The following GALNT7 variants were observed in gnomAD, a reference collection of about 807,000 sequenced individuals.
GALNT7 encodes polypeptide N-acetylgalactosaminyltransferase 7, also known as N-acetylgalactosaminyltransferase 7.
In GALNT7, 60 loss-of-function variants were observed where a neutral mutation model predicts 82.1. The ratio of observed to expected loss-of-function variants is 0.73; its 90% confidence interval spans 0.59 to 0.91. The LOEUF is 0.91. Among genes scored for constraint, GALNT7 ranks in the 40% least tolerant of loss-of-function variants. GALNT7 has a pLI of 0.00. For missense variants in GALNT7, 660 were observed against 804.2 expected (o/e 0.82, Z 2.17); for synonymous variants, 243 against 275.1 (o/e 0.88, Z 1.15).
At chr4:173,317,373 C>CT (rs1044042679) in intron 9 of GALNT7, 219 of 275,364 alleles carry the variant, frequency 8.0e-4, no homozygotes, top group Middle Eastern at 2.3e-3. Flanking sequence ...TTAATGGTAA[C>CT]TTTTTTTTTC....
intron 1 of GALNT7, among the ~76,000 whole-genome samples, chr4:173,230,551 A>G (rs1349445657): frequency 6.6e-6 from 1 of 152,228 alleles, no homozygotes; most frequent in Non-Finnish European, 1.5e-5. Flanking sequence ...TAATATGAGT[A>G]TAATCTGTTT....
chr4:173,275,930 C>A (rs548903591), intron 2 of GALNT7, among the ~76,000 whole-genome samples: 2 of 152,112 alleles, frequency 1.3e-5, no homozygotes, highest in Admixed American at 1.3e-4. Context: ...GCGCTACCTT[C>A]AAAAATGGGT....
intron 1 of GALNT7, among the ~76,000 whole-genome samples, chr4:173,233,935 T>C (rs1484601791): frequency 6.6e-6 from 1 of 152,206 alleles, no homozygotes; most frequent in East Asian, 1.9e-4. Context: ...CAAAAAATGT[T>C]GTCTATTCTT....
chr4:173,188,396 G>T (rs1732520531), intron 1 of GALNT7, among the ~76,000 whole-genome samples: 1 of 152,060 alleles, frequency 6.6e-6, no homozygotes, highest in Non-Finnish European at 1.5e-5. Flanking sequence ...TTTAAACAGG[G>T]GTTTTGGGCC....
At position 173,302,182 on chromosome 4, in the gene GALNT7, C is replaced by T; in HGVS notation, c.1266+18C>T. The T allele has an allele frequency of 9.6e-7, 1 of 1,044,554 alleles. No individual in the cohort carries two copies. Among genetic ancestry groups the T allele is most frequent in the Non-Finnish European group, 1.5e-6 (1 of 661,116 alleles). The allele number at this position is 1,044,554 out of a possible 1,614,324, so 64.7% of individuals were successfully genotyped here. ...CATACAAGGTAACATTTTATTTCAA[C>T]AGATGGAATTCTCCAAGTCGTTACT... On this transcript the variant is annotated intron_variant, in intron 7 of 11. Coordinates refer to ENST00000265000, the MANE Select transcript of GALNT7 (RefSeq NM_017423.3). This position sits in a 1 kb window ranked among gnomAD's most constrained non-coding sequence, Gnocchi z 4.2.
At chr4:173,272,524 G>C (rs1735765614) in intron 2 of GALNT7, among the ~76,000 whole-genome samples, 1 of 152,134 alleles carries the variant, frequency 6.6e-6, no homozygotes, top group African/African-American at 2.4e-5. Flanking sequence ...TAAACTATTT[G>C]ATAACTAACT....
Position 173,304,134 on chromosome 4 carries a change from A to T in GALNT7, c.1389+16A>T, listed in dbSNP as rs573676611. ...AACTCTGAAGGTGAGTTTTTTGGAT[A>T]AAAGGGGAGGACAGGGAACTAACAT... On this transcript the variant is annotated intron_variant, in intron 8 of 11. Transcript: ENST00000265000. The T allele has an allele frequency of 3.7e-6, 6 of 1,609,654 alleles. No homozygotes were observed. In the East Asian group the frequency reaches 1.3e-4, roughly 36 times the overall value.
At chr4:173,207,492 T>C (rs1415104892) in intron 1 of GALNT7, among the ~76,000 whole-genome samples, 3 of 152,214 alleles carry the variant, frequency 2.0e-5, no homozygotes, top group African/African-American at 7.2e-5. Context: ...CCATCTTTCA[T>C]ACCATTAAAT....
intron 1 of GALNT7, among the ~76,000 whole-genome samples, chr4:173,172,739 TC>T (rs1579873986): frequency 6.6e-6 from 1 of 152,094 alleles, no homozygotes; most frequent in Admixed American, 6.5e-5. Context: ...TGGGCAAAGG[TC>T]CTGAGGCAGG....
intron 1 of GALNT7, among the ~76,000 whole-genome samples, chr4:173,226,250 T>C (rs181126831): frequency 6.6e-6 from 1 of 152,332 alleles, no homozygotes; most frequent in Non-Finnish European, 1.5e-5. Flanking sequence ...GAAGAATATA[T>C]ATATTTAGAG....
intron 5 of GALNT7, among the ~76,000 whole-genome samples, chr4:173,296,546 T>C (rs1479960485): frequency 1.3e-5 from 2 of 152,180 alleles, no homozygotes; most frequent in African/African-American, 4.8e-5. Context: ...TCACATGCTG[T>C]CTGATTTAAT....
rs1737768030 is a variant in GALNT7 at position 173,320,419 on chromosome 4, TA to T, written c.1837-1160del. On this transcript the variant is annotated intron_variant, in intron 11 of 11. Coordinates refer to ENST00000265000, the MANE Select transcript of GALNT7 (RefSeq NM_017423.3). This position sits in a 1 kb window ranked among gnomAD's most constrained non-coding sequence, Gnocchi z 4.1. ...AATGACATTTTTAATGAAAAATAACTATGTTTACCCACAAAAAATAGTGAGA... is the reference window on the plus strand; with the variant it reads ...AATGACATTTTTAATGAAAAATAACTTGTTTACCCACAAAAAATAGTGAGA... Among the ~76,000 whole-genome samples, 1 of 152,126 alleles carries T rather than the reference TA, an allele frequency of 6.6e-6. No homozygotes were observed. Among genetic ancestry groups the T allele is most frequent in the South Asian group, 2.1e-4 (1 of 4,828 alleles).
At position 173,295,395 on chromosome 4, in the gene GALNT7, G is replaced by C. The variant is rs1301132024; in HGVS notation, c.755-1G>C. ...TAATATCGATTGATTTTTCTTAACA[G>C]AACACTTAAAAGAAAAACTGGATGA... On this transcript the variant is annotated splice_acceptor_variant, in intron 3 of 11. Coordinates refer to ENST00000265000, the MANE Select transcript of GALNT7 (RefSeq NM_017423.3). LOFTEE classifies it high-confidence loss of function. 1 of 1,566,102 alleles carries C rather than the reference G, an allele frequency of 6.4e-7. No homozygotes were observed. Among genetic ancestry groups the C allele is most frequent in the Non-Finnish European group, 8.8e-7 (1 of 1,138,192 alleles).
At chr4:173,311,137 C>T (rs1737366327) in intron 8 of GALNT7, among the ~76,000 whole-genome samples, 1 of 152,226 alleles carries the variant, frequency 6.6e-6, no homozygotes, top group Admixed American at 6.5e-5. Context: ...TTGCTTTTCT[C>T]TTTGCCCTGA....
chr4:173,216,727 A>ATTTTTTTTTTTTTTTTTTTT, intron 1 of GALNT7, among the ~76,000 whole-genome samples: 1 of 12,980 alleles, frequency 7.7e-5, no homozygotes, highest in Non-Finnish European at 1.4e-4. Flanking sequence ...ATATATATAT[A>ATTTTTTTTTTTTTTTTTTTT]TTTTTTTTTT....
chr4:173,291,969 T>C, intron 2 of GALNT7, 139 bp from the exon 3 acceptor site: 2 of 569,286 alleles, frequency 3.5e-6, no homozygotes. Context: ...TGCATTTCTG[T>C]TAAATTTTGA....
intron 1 of GALNT7, among the ~76,000 whole-genome samples, chr4:173,222,554 C>G (rs1200293734): frequency 1.3e-5 from 2 of 152,208 alleles, no homozygotes; most frequent in Non-Finnish European, 2.9e-5. Context: ...TTTAGCCATT[C>G]TAAACACTTC....
chr4:173,216,719 A>ATTT (rs1269758613), intron 1 of GALNT7, among the ~76,000 whole-genome samples: 48 of 13,452 alleles, frequency 3.6e-3, no homozygotes, highest in African/African-American at 6.9e-3. Context: ...ATATATATAT[A>ATTT]TATATATATT....
rs570094901 is a variant in GALNT7, at chr4:173,210,630, A to G, written c.127-37350A>G. Among the ~76,000 whole-genome samples, 790 of 151,484 alleles carry G rather than the reference A, an allele frequency of 5.2e-3. 9 individuals are homozygous for G. The highest frequency in any genetic ancestry group is 0.018 in the African/African-American group (760 of 41,270). On this transcript the variant is annotated intron_variant, in intron 1 of 11. Coordinates refer to ENST00000265000, the MANE Select transcript of GALNT7 (RefSeq NM_017423.3). ...TTTTTTTTTGTAGACACGGGGTTTC[A>G]CCACGTTGCCCAAGCTGGTCTGGAA...
Sources: gnomAD v4.1 joint callset for allele counts (sites outside exome capture counted in the v4.1 genomes callset) on GRCh38, gnomAD v4.1.1 for gene constraint, Gnocchi (gnomAD v3.1) non-coding constraint, MANE v1.5 for transcripts, NCBI Gene and HGNC (gene_info 2026-07-23, HGNC 2026-07-21) for gene names.